The following DESI2 variants were observed in gnomAD, a reference collection of about 807,000 sequenced individuals.
DESI2 encodes deubiquitinase DESI2.
DESI2 carries 10 observed loss-of-function variants against 24.1 expected under a neutral mutation model. The ratio of observed to expected loss-of-function variants is 0.41; its 90% CI spans 0.26 to 0.70. The LOEUF is 0.70. DESI2 is among the 30% of genes least tolerant of loss of function. DESI2 has a pLI of 0.29. For missense variants in DESI2, 122 were observed against 234.9 expected (o/e 0.52, Z 3.14); for synonymous variants, 71 against 87.7 (o/e 0.81, Z 1.06).
intron 1 of DESI2, among the ~76,000 whole-genome samples, chr1:244,657,568 G>T (rs1675692034): frequency 6.6e-6 from 1 of 152,204 alleles, no homozygotes; most frequent in African/African-American, 2.4e-5. Flanking sequence ...AAGCAACAGA[G>T]AGCTTGAGAG....
chr1:244,687,036 A>G (rs1047736034), intron 2 of DESI2, among the ~76,000 whole-genome samples: 1 of 152,206 alleles, frequency 6.6e-6, no homozygotes, highest in African/African-American at 2.4e-5. Context: ...CATGATAAAA[A>G]CAATAATTTT....
chr1:244,705,187 T>C (rs1056425329), intron 4 of DESI2, among the ~76,000 whole-genome samples: 3 of 152,350 alleles, frequency 2.0e-5, no homozygotes, highest in African/African-American at 7.2e-5. Context: ...TGCCTGGGGC[T>C]TCTATTACTC....
chr1:244,658,533 A>T (rs1675729316), intron 1 of DESI2, among the ~76,000 whole-genome samples: 1 of 152,140 alleles, frequency 6.6e-6, no homozygotes, highest in African/African-American at 2.4e-5. Flanking sequence ...CGTGCATCCC[A>T]CCAGACTGTG....
intron 1 of DESI2, among the ~76,000 whole-genome samples, chr1:244,675,200 C>G (rs957465324): frequency 6.6e-6 from 1 of 151,866 alleles, no homozygotes; most frequent in East Asian, 1.9e-4. Flanking sequence ...CATATAAGTC[C>G]CTTGTCGGTA....
At chr1:244,666,877 CA>C (rs1676064786) in intron 1 of DESI2, among the ~76,000 whole-genome samples, 2 of 152,120 alleles carry the variant, frequency 1.3e-5, no homozygotes, top group South Asian at 4.2e-4. Flanking sequence ...TACGTGGTGG[CA>C]GCAAGAGAAA....
chr1:244,671,195 T>C (rs1161867547), intron 1 of DESI2, among the ~76,000 whole-genome samples: 2 of 152,230 alleles, frequency 1.3e-5, no homozygotes, highest in Non-Finnish European at 2.9e-5. Flanking sequence ...TTGAGAAGAA[T>C]TAAACTGTAA....
rs753185166 is a variant in DESI2, at chr1:244,705,811, C to G, written c.*22C>G. On this transcript the variant is annotated 3_prime_UTR_variant, in exon 5 of 5. Transcript: ENST00000302550. Reference sequence around the variant, plus strand: ...ATAAATGTCTCCAAAGTCACACATTCAGAACTGTCTCTGGCAGTCGAATAT... The same window carrying G: ...ATAAATGTCTCCAAAGTCACACATTGAGAACTGTCTCTGGCAGTCGAATAT... 3.9e-6 allele frequency: 6 copies of G among 1,544,992 alleles called. No individual in the cohort carries two copies. Among genetic ancestry groups the G allele is most frequent in the African/African-American group, 1.4e-5 (1 of 73,622 alleles).
intron 4 of DESI2, among the ~76,000 whole-genome samples, chr1:244,701,499 C>G (rs546079527): frequency 1.1e-4 from 16 of 152,174 alleles, no homozygotes; most frequent in African/African-American, 3.4e-4. Flanking sequence ...ATTCTATAGG[C>G]AGGTAACTGG....
intron 4 of DESI2, among the ~76,000 whole-genome samples, chr1:244,699,545 GC>G (rs1242779469): frequency 1.6e-5 from 2 of 121,816 alleles, no homozygotes; most frequent in Non-Finnish European, 3.2e-5. Context: ...TTGTGCCACT[GC>G]ACTCCAGCCT....
rs555860728 is a variant in DESI2, at chr1:244,689,200, T to A, written c.116-49T>A. 1 of 920,074 alleles carries A rather than the reference T, an allele frequency of 1.1e-6. No homozygotes were observed. The highest frequency in any genetic ancestry group is 1.4e-5 in the South Asian group (1 of 71,738). 57.0% of individuals were successfully genotyped at this position (920,074 alleles called of 1,614,324 possible). On this transcript the variant is annotated intron_variant, in intron 2 of 4. Transcript: ENST00000302550. This position sits in a 1 kb window ranked among gnomAD's most constrained non-coding sequence, Gnocchi z 4.0. ...TATTAAAGCTAATTCAGCATTCTGGTTAAATTTTATGTGATACATACTAAA... is the reference window on the plus strand; with the variant it reads ...TATTAAAGCTAATTCAGCATTCTGGATAAATTTTATGTGATACATACTAAA...
intron 1 of DESI2, among the ~76,000 whole-genome samples, chr1:244,666,065 GCTTC>G (rs1676033341): frequency 6.6e-6 from 1 of 152,096 alleles, no homozygotes; most frequent in Non-Finnish European, 1.5e-5. Flanking sequence ...GTCTAGCAGT[GCTTC>G]CTTATTTCTC....
At chr1:244,700,721 GATAGCT>G (rs1408464907) in intron 4 of DESI2, among the ~76,000 whole-genome samples, 2 of 152,144 alleles carry the variant, frequency 1.3e-5, no homozygotes, top group African/African-American at 4.8e-5. Flanking sequence ...TCATCAATGA[GATAGCT>G]ACATTTTATC....
rs571402673 is a variant in DESI2 at position 244,703,879 on chromosome 1, C to G, written c.352-1677C>G. ...TTCACTGTGTTAGCCAGGATGGTCT[C>G]GATCTCCTGACCTCATGATCTGCCC... On this transcript the variant is annotated intron_variant, in intron 4 of 4. Coordinates refer to ENST00000302550, the MANE Select transcript of DESI2 (RefSeq NM_016076.5). Among the ~76,000 whole-genome samples the G allele has an allele frequency of 1.2e-4, 18 of 152,092 alleles. 1 individual carries two copies. In the South Asian group the frequency reaches 3.1e-3, roughly 26 times the overall value.
At chr1:244,654,331 G>T (rs899560964) in intron 1 of DESI2, among the ~76,000 whole-genome samples, 1 of 152,184 alleles carries the variant, frequency 6.6e-6, no homozygotes, top group African/African-American at 2.4e-5. Flanking sequence ...AAAATTGCCC[G>T]TCGTTATTTT....
intron 1 of DESI2, among the ~76,000 whole-genome samples, chr1:244,658,520 T>C (rs369926031): frequency 3.9e-5 from 6 of 152,270 alleles, no homozygotes; most frequent in Admixed American, 6.5e-5. Context: ...GCGTATACTA[T>C]CCCGTGCATC....
intron 4 of DESI2, among the ~76,000 whole-genome samples, chr1:244,703,869 AG>A (rs1451824091): frequency 6.6e-6 from 1 of 152,092 alleles, no homozygotes. Flanking sequence ...TGTGTTAGCC[AG>A]GATGGTCTCG....
In DESI2 at chr1:244,653,173, T is replaced by C; in HGVS notation, c.-141T>C. ...CGGGAGCGGCTCGGCTGCCCGATGC[T>C]TCCGCCCCGGCTGCCGCGGGCCGGG... On this transcript the variant is annotated 5_prime_UTR_variant, in exon 1 of 5. Transcript: ENST00000302550. The C allele has an allele frequency of 1.2e-6, 1 of 844,008 alleles. No individual in the cohort carries two copies. The highest frequency in any genetic ancestry group is 1.6e-6 in the Non-Finnish European group (1 of 617,274). The allele number at this position is 844,008 out of a possible 1,614,324, so 52.3% of individuals were successfully genotyped here.
chr1:244,662,774 T>C (rs1441677660), intron 1 of DESI2, among the ~76,000 whole-genome samples: 2 of 152,034 alleles, frequency 1.3e-5, no homozygotes, highest in Non-Finnish European at 2.9e-5. Flanking sequence ...TCCTGAAAGG[T>C]GAAGTATACC....
chr1:244,693,221 A>G (rs1001172412), intron 4 of DESI2, among the ~76,000 whole-genome samples: 5 of 152,176 alleles, frequency 3.3e-5, no homozygotes, highest in African/African-American at 4.8e-5. Context: ...AGTGCTTATT[A>G]TATTTTACCA....
Sources: gnomAD v4.1 joint callset for allele counts (sites outside exome capture counted in the v4.1 genomes callset) on GRCh38, gnomAD v4.1.1 for gene constraint, Gnocchi (gnomAD v3.1) non-coding constraint, MANE v1.5 for transcripts, NCBI Gene and HGNC (gene_info 2026-07-23, HGNC 2026-07-21) for gene names.